The following P2RY12 variants were observed in gnomAD, a reference collection of about 807,000 sequenced individuals.
The protein encoded by P2RY12 is purinergic receptor P2Y12, also known as P2Y purinoceptor 12.
Under a neutral mutation model 4.5 loss-of-function variants are expected in P2RY12, and 3 were observed. That is an observed-to-expected ratio of 0.67 (90% CI 0.31 to 1.74). The LOEUF is 1.74. P2RY12 is among the 40% of genes most tolerant of loss of function. P2RY12 has a pLI of 0.09. For missense variants in P2RY12, 356 were observed against 407.8 expected, an observed-to-expected ratio of 0.87 and a Z score of 1.09; for synonymous variants, 148 against 154.1, an observed-to-expected ratio of 0.96 and a Z score of 0.29.
At position 151,338,348 on chromosome 3, in the gene P2RY12, C is replaced by T. The variant is rs770759132; in HGVS notation, c.498G>A (p.Gln166=). 6.2e-7 allele frequency: 1 copy of T among 1,614,124 alleles called. No individual in the cohort carries two copies. Among genetic ancestry groups the T allele is most frequent in the South Asian group, 1.1e-5 (1 of 91,078 alleles). ...SLPNMILTNR[Q]PRDKNVKKCS... ...ATTTCTTCACATTCTTGTCTCTCGGCTGCCTGTTGGTCAGAATCATGTTAG... is the reference window on the plus strand; with the variant it reads ...ATTTCTTCACATTCTTGTCTCTCGGTTGCCTGTTGGTCAGAATCATGTTAG... The change falls in exon 3 of 3, where the codon CAG becomes CAA. Residue 166 remains glutamine (Q), a synonymous_variant. Transcript: ENST00000302632.
At chr3:151,369,363 G>T in intron 1 of P2RY12, 1 of 1,037,810 alleles carries the variant, frequency 9.6e-7, no homozygotes, top group South Asian at 1.7e-5. Context: ...ATGAAAGGCT[G>T]ACTGCCTGTA....
At chr3:151,372,700 C>T (rs2108021024) in intron 1 of P2RY12, 1 of 1,613,924 alleles carries the variant, frequency 6.2e-7, no homozygotes, top group Non-Finnish European at 8.5e-7. Context: ...GTGGGAAAAG[C>T]ATTTCCATAG....
intron 1 of P2RY12, among the ~76,000 whole-genome samples, chr3:151,363,868 A>G (rs1006193091): frequency 2.0e-5 from 3 of 152,168 alleles, no homozygotes; most frequent in African/African-American, 7.2e-5. Context: ...TTTGGTAAAC[A>G]TTGAACTGAA....
At chr3:151,342,744 T>C (rs1257192684) in intron 1 of P2RY12, among the ~76,000 whole-genome samples, 3 of 152,242 alleles carry the variant, frequency 2.0e-5, no homozygotes. Flanking sequence ...GTATTGTTAT[T>C]TTTAAATATG....
chr3:151,379,043 A>G (rs1487473145), intron 1 of P2RY12, among the ~76,000 whole-genome samples: 1 of 152,254 alleles, frequency 6.6e-6, no homozygotes, highest in African/African-American at 2.4e-5. Flanking sequence ...GCCTGGGTTT[A>G]AATCCAGGAG....
At chr3:151,360,919 A>G (rs1754527934) in intron 1 of P2RY12, among the ~76,000 whole-genome samples, 1 of 152,140 alleles carries the variant, frequency 6.6e-6, no homozygotes, top group Admixed American at 6.6e-5. Flanking sequence ...TATATGTTGT[A>G]CAGACAGTGC....
At chr3:151,379,425 C>T (rs754753192) in intron 1 of P2RY12, among the ~76,000 whole-genome samples, 5 of 152,214 alleles carry the variant, frequency 3.3e-5, no homozygotes, top group Non-Finnish European at 7.3e-5. Context: ...TGATTATTCT[C>T]TAATTGAAGA....
intron 1 of P2RY12, among the ~76,000 whole-genome samples, chr3:151,347,075 T>A (rs921413728): frequency 2.0e-5 from 3 of 152,174 alleles, no homozygotes; most frequent in African/African-American, 7.2e-5. Context: ...CCTGATCCTT[T>A]CCTAACTTCT....
intron 1 of P2RY12, among the ~76,000 whole-genome samples, chr3:151,347,176 C>T (rs1036736235): frequency 5.3e-5 from 8 of 152,134 alleles, no homozygotes; most frequent in African/African-American, 7.2e-5. Context: ...CTTTGTCTCT[C>T]ACATCTCCCC....
chr3:151,342,673 A>G (rs1752018323), intron 1 of P2RY12, among the ~76,000 whole-genome samples: 1 of 152,190 alleles, frequency 6.6e-6, no homozygotes, highest in South Asian at 2.1e-4. Flanking sequence ...GACACATAAT[A>G]ATCCCCAAAT....
At chr3:151,357,153 A>C (rs3732760) in intron 1 of P2RY12, 509,499 of 1,368,398 alleles carry the variant, frequency 0.37, 96,570 homozygotes, top group South Asian at 0.4. Context: ...TATAAAAATA[A>C]ATGTTTTCTC....
intron 1 of P2RY12, among the ~76,000 whole-genome samples, chr3:151,361,555 C>G (rs2150081249): frequency 6.6e-6 from 1 of 152,230 alleles, no homozygotes; most frequent in East Asian, 1.9e-4. Flanking sequence ...GTCAATACAT[C>G]TTATTGCTGA....
chr3:151,347,987 G>A (rs759563084), intron 1 of P2RY12, among the ~76,000 whole-genome samples: 5 of 152,144 alleles, frequency 3.3e-5, no homozygotes, highest in Non-Finnish European at 7.4e-5. Context: ...AGGAGCACGT[G>A]GCTCTTTCTA....
At chr3:151,376,748 A>AT in intron 1 of P2RY12, 10 of 1,430,296 alleles carry the variant, frequency 7.0e-6, no homozygotes, top group Non-Finnish European at 9.8e-6. Context: ...AAATTACTGT[A>AT]TTTTAACACA....
intron 1 of P2RY12, chr3:151,383,749 G>A (rs779845862): frequency 7.0e-7 from 1 of 1,429,970 alleles, no homozygotes; most frequent in Admixed American, 1.9e-5. Flanking sequence ...TTTACAGAAT[G>A]CAAATATCTT....
chr3:151,375,970 C>CATATATAT (rs148538586), intron 1 of P2RY12: 406 of 812,366 alleles, frequency 5.0e-4, no homozygotes, highest in Middle Eastern at 2.6e-3. Context: ...GTACATATTG[C>CATATATAT]ATATATATAT....
At chr3:151,355,291 A>G (rs760153712) in intron 1 of P2RY12, 8 of 1,345,836 alleles carry the variant, frequency 5.9e-6, no homozygotes, top group Non-Finnish European at 8.3e-6. Flanking sequence ...AATTTACTTA[A>G]AAATTTTTTT....
At chr3:151,375,970 C>CATATATGTATAT in intron 1 of P2RY12, 1 of 811,842 alleles carries the variant, frequency 1.2e-6, no homozygotes, top group East Asian at 2.9e-5. Flanking sequence ...GTACATATTG[C>CATATATGTATAT]ATATATATAT....
In P2RY12 at chr3:151,338,669, A is replaced by G. The variant is rs1252629428; in HGVS notation, c.177T>C (p.Phe59=). 5.0e-6 allele frequency: 8 copies of G among 1,613,778 alleles called. No homozygotes were observed. Among genetic ancestry groups the G allele is most frequent in the Admixed American group, 1.7e-5 (1 of 59,892 alleles). The change falls in exon 3 of 3, where the codon TTT becomes TTC. Residue 59 remains phenylalanine (F), a synonymous_variant. Coordinates refer to ENST00000302632, the MANE Select transcript of P2RY12 (RefSeq NM_022788.5). ...IFFQIRSKSN[F]IIFLKNTVIS... ...TGACTGTGTTCTTAAGAAAAATAAT[A>G]AAGTTTGATTTACTCCGGATTTGAA...
Sources: allele counts gnomAD v4.1 joint callset (sites outside exome capture counted in the v4.1 genomes callset), GRCh38; gene constraint gnomAD v4.1.1; transcripts MANE v1.5; gene names NCBI Gene and HGNC (gene_info 2026-07-23, HGNC 2026-07-21).